Variants in SGCD observed in about 807,000 individuals in gnomAD.
The protein encoded by SGCD is sarcoglycan delta.
A neutral mutation model predicts 36.6 loss-of-function variants in SGCD; 18 were observed. The observed-to-expected ratio is 0.49, with a 90% CI of 0.34 to 0.73. SGCD has a LOEUF of 0.73. Ranked by LOEUF, SGCD falls within the 30% of genes least tolerant of loss-of-function variation. SGCD has a pLI of 0.01. For synonymous variants in SGCD, 133 were observed against 130.6 expected, an observed-to-expected ratio of 1.02 and a Z score of -0.12; for missense variants, 387 against 346.7, an observed-to-expected ratio of 1.12 and a Z score of -0.92.
intron 3 of SGCD, among the ~76,000 whole-genome samples, chr5:156,363,943 A>C (rs898933674): frequency 6.6e-6 from 1 of 152,188 alleles, no homozygotes; most frequent in African/African-American, 2.4e-5. Context: ...CGGGAGTCAC[A>C]TGCCCAGGTC....
At chr5:156,124,731 G>A (rs3097862) in intron 3 of SGCD, among the ~76,000 whole-genome samples, 67,173 of 151,660 alleles carry the variant, frequency 0.44, 15,627 homozygotes, top group African/African-American at 0.58. Flanking sequence ...ATATATGTAC[G>A]TATATATAGA....
chr5:155,738,301 A>T, the SGCD span, among the ~76,000 whole-genome samples: 1 of 152,176 alleles, frequency 6.6e-6, no homozygotes, highest in African/African-American at 2.4e-5. Context: ...TAAAAAGTAA[A>T]TGTGCCCTCA....
chr5:156,092,431 G>T (rs916637414), intron 1 of SGCD, among the ~76,000 whole-genome samples: 1 of 152,046 alleles, frequency 6.6e-6, no homozygotes, highest in Admixed American at 6.6e-5. Context: ...GCTTGCTATT[G>T]GTAAGTCATC....
At chr5:156,290,486 A>C (rs1247072179) in intron 3 of SGCD, among the ~76,000 whole-genome samples, 1 of 151,444 alleles carries the variant, frequency 6.6e-6, no homozygotes, top group Non-Finnish European at 1.5e-5. Flanking sequence ...CAAGGTACTT[A>C]CTGTCTCCGA....
At chr5:156,316,991 C>G (rs2127694211) in intron 3 of SGCD, among the ~76,000 whole-genome samples, 1 of 151,574 alleles carries the variant, frequency 6.6e-6, no homozygotes, top group South Asian at 2.1e-4. Flanking sequence ...GTTTTGCTAT[C>G]TAGAGTTACA....
chr5:155,892,974 A>G (rs1016596783), intron 1 of SGCD, among the ~76,000 whole-genome samples: 7 of 152,118 alleles, frequency 4.6e-5, no homozygotes, highest in African/African-American at 1.4e-4. Context: ...GTGGTTTGGG[A>G]GGAAGAGGGT....
the SGCD span, among the ~76,000 whole-genome samples, chr5:155,751,455 G>T: frequency 2.0e-5 from 3 of 151,892 alleles, no homozygotes; most frequent in African/African-American, 7.3e-5. Context: ...GTGCAATTGC[G>T]GCTCACTCCG....
chr5:156,420,876 C>A (rs1038151455), intron 3 of SGCD, among the ~76,000 whole-genome samples: 6 of 152,068 alleles, frequency 3.9e-5, no homozygotes, highest in African/African-American at 1.2e-4. Flanking sequence ...GTTGGTGATC[C>A]ATGCTTCAAC....
intron 3 of SGCD, among the ~76,000 whole-genome samples, chr5:156,423,101 AAAC>A: frequency 7.2e-6 from 1 of 139,832 alleles, no homozygotes; most frequent in Non-Finnish European, 1.5e-5. Flanking sequence ...GGGTCATTAG[AAAC>A]AACTGAAAAA....
At chr5:155,881,323 T>TAAATAAATAAAGAAAGAAAGAAAG (rs942789932) in intron 1 of SGCD, among the ~76,000 whole-genome samples, 13 of 151,398 alleles carry the variant, frequency 8.6e-5, no homozygotes, top group African/African-American at 2.4e-4. Flanking sequence ...AATAAATAAA[T>TAAATAAATAAAGAAAGAAAGAAAG]AAAGAATATA....
chr5:156,284,985 C>T (rs1766555060), intron 3 of SGCD, among the ~76,000 whole-genome samples: 1 of 152,154 alleles, frequency 6.6e-6, no homozygotes, highest in Non-Finnish European at 1.5e-5. Context: ...TCTCAGGATA[C>T]AAAATCAATG....
chr5:156,521,228 A>G (rs961856437), intron 4 of SGCD, among the ~76,000 whole-genome samples: 1 of 152,164 alleles, frequency 6.6e-6, no homozygotes. Context: ...ACTTAAATGT[A>G]AAACCCCAAA....
intron 3 of SGCD, among the ~76,000 whole-genome samples, chr5:156,245,314 G>A (rs1025996576): frequency 2.6e-5 from 4 of 152,094 alleles, no homozygotes; most frequent in Non-Finnish European, 5.9e-5. Context: ...CAGGATATTC[G>A]ATAGTTGTTC....
intron 3 of SGCD, among the ~76,000 whole-genome samples, chr5:156,382,952 T>C (rs1229160242): frequency 2.0e-5 from 3 of 152,234 alleles, no homozygotes; most frequent in Non-Finnish European, 4.4e-5. Flanking sequence ...TTTAGCATAA[T>C]TGTTTGCATC....
intron 1 of SGCD, among the ~76,000 whole-genome samples, chr5:156,018,040 G>T (rs57194836): frequency 0.072 from 10,906 of 151,980 alleles, 1,355 homozygotes; most frequent in African/African-American, 0.25. Flanking sequence ...AGCACCTGTG[G>T]TTCTAGCTAC....
chr5:155,861,590 C>A, the SGCD span, among the ~76,000 whole-genome samples: 3 of 152,226 alleles, frequency 2.0e-5, no homozygotes, highest in South Asian at 2.1e-4. Flanking sequence ...TGGTGGCATG[C>A]GCCTGTAGTC....
Position 156,763,691 on chromosome 5 carries a change from C to T in SGCD, c.*4301C>T, listed in dbSNP as rs1757536084. On this transcript the variant is annotated 3_prime_UTR_variant, in exon 9 of 9. Transcript: ENST00000337851. The stretch of plus-strand genomic sequence containing the variant: ...CCCTTTGGTCAAGATCCCTTTTGCT[C>T]ATCCAGGGTTTCATACTCAATATCG... 1 of 151,748 alleles carries T rather than the reference C, an allele frequency of 6.6e-6. No individual in the cohort carries two copies. Among genetic ancestry groups the T allele is most frequent in the South Asian group, 2.1e-4 (1 of 4,790 alleles). The allele number at this position is 151,748 out of a possible 1,614,324, so 9.4% of individuals were successfully genotyped here. A position where few individuals can be genotyped will look rare whatever the true frequency, so the allele number is the denominator to read the frequency against.
At chr5:156,031,799 C>T (rs1489079559) in intron 1 of SGCD, among the ~76,000 whole-genome samples, 3 of 152,252 alleles carry the variant, frequency 2.0e-5, no homozygotes, top group East Asian at 3.9e-4. Context: ...AGCCAGGCCA[C>T]ACAGTAACCA....
intron 3 of SGCD, among the ~76,000 whole-genome samples, chr5:156,378,079 A>G (rs1159630267): frequency 6.6e-6 from 1 of 152,184 alleles, no homozygotes; most frequent in East Asian, 1.9e-4. Flanking sequence ...TTCTCACTAG[A>G]CAGAAGGTAG....
Sources: gnomAD v4.1 joint callset for allele counts (sites outside exome capture counted in the v4.1 genomes callset) on GRCh38, gnomAD v4.1.1 for gene constraint, MANE v1.5 for transcripts, NCBI Gene and HGNC (gene_info 2026-07-23, HGNC 2026-07-21) for gene names.